Variants in RBFOX1 observed in about 807,000 individuals in gnomAD.
RBFOX1 encodes the protein RNA binding fox-1 homolog 1, also known as RNA binding protein fox-1 homolog 1.
Under a neutral mutation model 57.7 loss-of-function variants are expected in RBFOX1, and 8 were observed. The observed-to-expected ratio is 0.14, with a 90% CI of 0.08 to 0.25. RBFOX1 has a LOEUF of 0.25. RBFOX1 is among the 10% of genes least tolerant of loss of function. The probability of loss-of-function intolerance (pLI) is 1.00; values close to 1 mark genes in which losing one functional copy is unlikely to be tolerated. For missense variants in RBFOX1, 611 were observed against 548.5 expected (o/e 1.11, Z -1.14); for synonymous variants, 326 against 222.4 (o/e 1.47, Z -4.15).
At chr16:5,665,167 C>A (rs1482235866) in intron 3 of RBFOX1, among the ~76,000 whole-genome samples, 1 of 148,774 alleles carries the variant, frequency 6.7e-6, no homozygotes, top group African/African-American at 2.5e-5. Flanking sequence ...CCCAGGCTGG[C>A]CTCGAACTCC....
intron 4 of RBFOX1, among the ~76,000 whole-genome samples, chr16:7,303,984 C>T (rs949432566): frequency 6.6e-6 from 1 of 151,878 alleles, no homozygotes; most frequent in East Asian, 2.0e-4. Context: ...GGGTGGGGGG[C>T]CCCTTCCACT....
intron 2 of RBFOX1, among the ~76,000 whole-genome samples, chr16:6,613,361 A>G (rs979588225): frequency 4.6e-5 from 7 of 152,118 alleles, no homozygotes; most frequent in African/African-American, 1.7e-4. Context: ...GGTTCTTAGC[A>G]CACAGAAAAT....
chr16:6,817,569 G>C (rs887236429), intron 3 of RBFOX1, among the ~76,000 whole-genome samples: 7 of 150,874 alleles, frequency 4.6e-5, no homozygotes, highest in African/African-American at 1.7e-4. Flanking sequence ...AACTGGATTT[G>C]GTGGCGCATG....
intron 3 of RBFOX1, among the ~76,000 whole-genome samples, chr16:6,740,723 T>A (rs1182383134): frequency 1.3e-5 from 2 of 152,074 alleles, no homozygotes; most frequent in African/African-American, 2.4e-5. Flanking sequence ...AAGGCCAACA[T>A]GTAAATAGAT....
intron 3 of RBFOX1, among the ~76,000 whole-genome samples, chr16:7,025,967 G>C (rs1193737816): frequency 6.6e-6 from 1 of 152,188 alleles, no homozygotes; most frequent in East Asian, 1.9e-4. Flanking sequence ...GTCTAGAATG[G>C]GCTGGTGCAG....
At chr16:7,476,255 G>A (rs927025529) in intron 4 of RBFOX1, among the ~76,000 whole-genome samples, 3 of 152,220 alleles carry the variant, frequency 2.0e-5, no homozygotes, top group Non-Finnish European at 4.4e-5. Context: ...TTACAGGCAT[G>A]AGCCATAACT....
intron 1 of RBFOX1, among the ~76,000 whole-genome samples, chr16:5,401,305 C>T (rs1037746515): frequency 1.3e-5 from 2 of 152,024 alleles, no homozygotes; most frequent in African/African-American, 2.4e-5. Flanking sequence ...TCCTAGAAAC[C>T]GTTTTGTCAG....
rs751840890 is a variant in RBFOX1, at chr16:6,758,318, C to G, written c.-16+103668C>G. 5.6e-4 allele frequency among the ~76,000 whole-genome samples: 85 copies of G among 151,996 alleles called. 2 individuals are homozygous for G. Among genetic ancestry groups the G allele is most frequent in the Admixed American group, 2.6e-4 (4 of 15,238 alleles). ...AAATGTCCCAATAAAAATTTTCCCC[C>G]AAGCATATGTAAACCACGACATAAT... On this transcript the variant is annotated intron_variant, in intron 3 of 15. Coordinates refer to ENST00000550418, the MANE Select transcript of RBFOX1 (RefSeq NM_018723.4).
intron 1 of RBFOX1, among the ~76,000 whole-genome samples, chr16:6,120,438 G>A (rs2096540555): frequency 6.6e-6 from 1 of 152,076 alleles, no homozygotes; most frequent in Non-Finnish European, 1.5e-5. Context: ...AATTTCCTAT[G>A]TTGTGCTTTC....
chr16:6,979,379 G>T (rs868206004), intron 3 of RBFOX1, among the ~76,000 whole-genome samples: 1 of 55,068 alleles, frequency 1.8e-5, no homozygotes, highest in African/African-American at 1.5e-4. Flanking sequence ...TTGAACCTGA[G>T]CACTTTCCAT....
chr16:7,059,208 C>G (rs532878771), intron 4 of RBFOX1, among the ~76,000 whole-genome samples: 3 of 152,290 alleles, frequency 2.0e-5, no homozygotes, highest in Non-Finnish European at 2.9e-5. Flanking sequence ...TGTCTCACCC[C>G]TCTCCACTTT....
chr16:6,824,294 A>G (rs996190136), intron 3 of RBFOX1, among the ~76,000 whole-genome samples: 1 of 152,102 alleles, frequency 6.6e-6, no homozygotes, highest in African/African-American at 2.4e-5. Context: ...AATCCCGGCT[A>G]CTCATGGAGG....
chr16:6,954,538 C>A (rs143809390), intron 3 of RBFOX1, among the ~76,000 whole-genome samples: 1 of 152,078 alleles, frequency 6.6e-6, no homozygotes, highest in Non-Finnish European at 1.5e-5. Flanking sequence ...AAATACATGC[C>A]AACTGTCCTC....
chr16:7,019,724 G>A (rs1376176477), intron 3 of RBFOX1, among the ~76,000 whole-genome samples: 1 of 152,200 alleles, frequency 6.6e-6, no homozygotes, highest in Non-Finnish European at 1.5e-5. Context: ...AAGAGAACAA[G>A]CTTGGTTTCA....
At chr16:7,699,470 G>A (rs2079934472) in intron 14 of RBFOX1, among the ~76,000 whole-genome samples, 1 of 152,154 alleles carries the variant, frequency 6.6e-6, no homozygotes, top group Non-Finnish European at 1.5e-5. Context: ...GCGAGTACAG[G>A]CACGGGCCCA....
intron 4 of RBFOX1, among the ~76,000 whole-genome samples, chr16:5,910,352 C>G (rs1165349798): frequency 2.0e-5 from 3 of 152,078 alleles, no homozygotes; most frequent in Non-Finnish European, 4.4e-5. Context: ...AGTGCACCCT[C>G]TAGGAGGTAC....
intron 3 of RBFOX1, among the ~76,000 whole-genome samples, chr16:6,681,512 G>A (rs2058647115): frequency 1.2e-5 from 1 of 84,816 alleles, no homozygotes; most frequent in African/African-American, 2.8e-5. Flanking sequence ...TGTTGTCCTT[G>A]TCTCCAGAAG....
chr16:6,924,075 C>T (rs1219437055), intron 3 of RBFOX1, among the ~76,000 whole-genome samples: 1 of 151,756 alleles, frequency 6.6e-6, no homozygotes, highest in Non-Finnish European at 1.5e-5. Context: ...GAGACTGAGG[C>T]ATGAGAGTCG....
intron 4 of RBFOX1, among the ~76,000 whole-genome samples, chr16:7,360,638 T>G (rs2097302840): frequency 6.6e-6 from 1 of 152,214 alleles, no homozygotes; most frequent in South Asian, 2.1e-4. Context: ...TCCCTCCCTA[T>G]GATACAAAGT....
Sources: gnomAD v4.1 joint callset for allele counts (sites outside exome capture counted in the v4.1 genomes callset) on GRCh38, gnomAD v4.1.1 for gene constraint, MANE v1.5 for transcripts, NCBI Gene and HGNC (gene_info 2026-07-23, HGNC 2026-07-21) for gene names.